Variants in UBXN7 observed in about 807,000 individuals in gnomAD.
The protein encoded by UBXN7 is UBX domain-containing protein 7.
A neutral mutation model predicts 58.0 loss-of-function variants in UBXN7; 9 were observed. The observed-to-expected ratio is 0.16, with a 90% CI of 0.09 to 0.27. UBXN7 has a LOEUF of 0.27. UBXN7 is among the 10% of genes least tolerant of loss of function. The probability of loss-of-function intolerance (pLI) is 1.00; values close to 1 mark genes in which losing one functional copy is unlikely to be tolerated. For synonymous variants in UBXN7, 208 were observed against 205.0 expected, an observed-to-expected ratio of 1.01 and a Z score of -0.12; for missense variants, 328 against 599.6, an observed-to-expected ratio of 0.55 and a Z score of 4.73.
rs1453472854 is a variant in UBXN7 at position 196,355,128 on chromosome 3, G to A, written c.*1557C>T. ...CCAAGAGAGCAATCTTAAAGTAGAT[G>A]AAAACCTAAAGGTCTCTACGCAACA... is the stretch of plus-strand genomic sequence containing the variant. On this transcript the variant is annotated 3_prime_UTR_variant, in exon 11 of 11. Transcript: ENST00000296328. 6.6e-6 allele frequency: 1 copy of A among 152,078 alleles called. No homozygotes were observed. The highest frequency in any genetic ancestry group is 1.5e-5 in the Non-Finnish European group (1 of 68,030). The allele number at this position is 152,078 out of a possible 1,614,324, so 9.4% of individuals were successfully genotyped here.
In UBXN7 at chr3:196,354,545, A is replaced by T. The variant is rs182472217; in HGVS notation, c.*2140T>A. On this transcript the variant is annotated 3_prime_UTR_variant, in exon 11 of 11. Coordinates refer to ENST00000296328, the MANE Select transcript of UBXN7 (RefSeq NM_015562.2). ...CAAAGCTGAGCAAACCTCTCTTCTT[A>T]CCCTGTGCCCTCCCTGAATTTTTGG... 7 of 152,318 alleles carry T rather than the reference A, an allele frequency of 4.6e-5. No individual in the cohort carries two copies. Among genetic ancestry groups the T allele is most frequent in the African/African-American group, 1.7e-4 (7 of 41,560 alleles). The allele number at this position is 152,318 out of a possible 1,614,324, so 9.4% of individuals were successfully genotyped here.
intron 2 of UBXN7, among the ~76,000 whole-genome samples, chr3:196,404,423 C>T (rs1392615266): frequency 6.6e-6 from 1 of 152,038 alleles, no homozygotes; most frequent in East Asian, 1.9e-4. Context: ...CCACCACGCC[C>T]GGCTAATTTT....
chr3:196,360,931 C>A (rs1026342584), intron 10 of UBXN7, among the ~76,000 whole-genome samples: 2 of 151,976 alleles, frequency 1.3e-5, no homozygotes, highest in Non-Finnish European at 2.9e-5. Context: ...TGAGCCGGGG[C>A]GGGGAGTCAA....
intron 1 of UBXN7, among the ~76,000 whole-genome samples, chr3:196,425,749 C>G (rs539302647): frequency 6.6e-6 from 1 of 152,298 alleles, no homozygotes; most frequent in East Asian, 1.9e-4. Context: ...TCATCTCTGT[C>G]TGTATACATG....
intron 1 of UBXN7, among the ~76,000 whole-genome samples, chr3:196,417,724 TAAA>T (rs749981900): frequency 6.9e-3 from 219 of 31,644 alleles, no homozygotes; most frequent in African/African-American, 0.014. Flanking sequence ...GCAAAATGGT[TAAA>T]AAAAAAAAAA....
intron 1 of UBXN7, among the ~76,000 whole-genome samples, chr3:196,412,826 C>T (rs1730373602): frequency 6.6e-6 from 1 of 152,090 alleles, no homozygotes; most frequent in African/African-American, 2.4e-5. Flanking sequence ...TTACAAACGC[C>T]ATATGATTCT....
At chr3:196,417,725 A>AT in intron 1 of UBXN7, among the ~76,000 whole-genome samples, 1 of 2,814 alleles carries the variant, frequency 3.6e-4, no homozygotes, top group South Asian at 0.017. Context: ...CAAAATGGTT[A>AT]AAAAAAAAAA....
intron 1 of UBXN7, among the ~76,000 whole-genome samples, chr3:196,417,235 C>T (rs1730522958): frequency 6.6e-6 from 1 of 152,110 alleles, no homozygotes; most frequent in South Asian, 2.1e-4. Context: ...ATGGCGTGAA[C>T]CCGGCAGCGG....
chr3:196,357,991 G>A (rs902977889), intron 10 of UBXN7, among the ~76,000 whole-genome samples: 7 of 151,730 alleles, frequency 4.6e-5, no homozygotes, highest in Admixed American at 2.6e-4. Context: ...AGCCAAGGTC[G>A]TGCCCCACAG....
At chr3:196,416,792 T>C (rs1428074336) in intron 1 of UBXN7, among the ~76,000 whole-genome samples, 1 of 152,220 alleles carries the variant, frequency 6.6e-6, no homozygotes, top group East Asian at 1.9e-4. Flanking sequence ...TTTCATAACA[T>C]AAATTAATTC....
intron 1 of UBXN7, among the ~76,000 whole-genome samples, chr3:196,424,186 T>C (rs1245240367): frequency 2.0e-5 from 3 of 152,052 alleles, no homozygotes; most frequent in African/African-American, 4.8e-5. Flanking sequence ...CCACCACACG[T>C]GGCCACTCCT....
At chr3:196,370,377 T>C (rs1427081729) in intron 6 of UBXN7, among the ~76,000 whole-genome samples, 3 of 150,190 alleles carry the variant, frequency 2.0e-5, no homozygotes, top group African/African-American at 4.9e-5. Context: ...CTTGAGCCTA[T>C]AGGGGTTAGA....
chr3:196,383,173 A>C (rs1729268301), intron 5 of UBXN7, among the ~76,000 whole-genome samples: 1 of 152,158 alleles, frequency 6.6e-6, no homozygotes, highest in African/African-American at 2.4e-5. Flanking sequence ...GTCTCTGATA[A>C]AACAGACTTT....
intron 1 of UBXN7, among the ~76,000 whole-genome samples, chr3:196,426,404 A>G (rs1164655205): frequency 6.9e-6 from 1 of 145,050 alleles, no homozygotes; most frequent in Non-Finnish European, 1.5e-5. Context: ...AAAAAAAAAG[A>G]AATTCTGAAA....
At chr3:196,364,855 C>A (rs1048080528) in intron 8 of UBXN7, among the ~76,000 whole-genome samples, 1 of 151,838 alleles carries the variant, frequency 6.6e-6, no homozygotes, top group Admixed American at 6.6e-5. Context: ...CACCACCACA[C>A]CCGGCCAAAG....
intron 5 of UBXN7, among the ~76,000 whole-genome samples, chr3:196,385,148 G>A (rs541332242): frequency 7.9e-5 from 12 of 152,274 alleles, no homozygotes; most frequent in East Asian, 3.9e-4. Flanking sequence ...GATTGCAGGC[G>A]CGCGCCACCA....
At chr3:196,392,582 C>T (rs1182937464) in intron 4 of UBXN7, among the ~76,000 whole-genome samples, 4 of 151,542 alleles carry the variant, frequency 2.6e-5, no homozygotes, top group African/African-American at 9.7e-5. Flanking sequence ...ATGTGCGGAT[C>T]ACCTGAGGTC....
rs1310759356 is a variant in UBXN7, at chr3:196,407,447, CCT to C, written c.74-56_74-55del. 1.5e-5 allele frequency: 21 copies of C among 1,426,170 alleles called. No individual in the cohort carries two copies. The Admixed American group carries it at 3.3e-4, about 22-fold the overall frequency. 88.3% of individuals were successfully genotyped at this position (1,426,170 alleles called of 1,614,324 possible). A position where few individuals can be genotyped will look rare whatever the true frequency, so the allele number is the denominator to read the frequency against. On this transcript the variant is annotated intron_variant, in intron 1 of 10. Transcript: ENST00000296328. ...TTAAAAAAAAAAAAAAAAAAGACAG[CCT>C]CTTTCTTCAGCTCATATTAGAATTC...
Position 196,391,683 on chromosome 3 carries a change from A to G in UBXN7, c.468+130T>C, listed in dbSNP as rs545162003. On this transcript the variant is annotated intron_variant, in intron 5 of 10. Transcript: ENST00000296328. Reference sequence around the variant, plus strand: ...CAAGAGTTCAAGGCTGCAGTGAGCTATGATTGTGTCACTGCAGTCCAGCCT... The same window carrying G: ...CAAGAGTTCAAGGCTGCAGTGAGCTGTGATTGTGTCACTGCAGTCCAGCCT... The G allele has an allele frequency of 3.1e-5, 19 of 609,972 alleles. 1 individual carries two copies. The South Asian group carries it at 3.5e-4, about 11-fold the overall frequency. 37.8% of individuals were successfully genotyped at this position (609,972 alleles called of 1,614,324 possible).
Sources: gnomAD v4.1 joint callset for allele counts (sites outside exome capture counted in the v4.1 genomes callset) on GRCh38, gnomAD v4.1.1 for gene constraint, MANE v1.5 for transcripts, NCBI Gene and HGNC (gene_info 2026-07-23, HGNC 2026-07-21) for gene names.